Variants in ROBO1 observed in about 807,000 individuals in gnomAD.
ROBO1 encodes the protein roundabout guidance receptor 1, also known as roundabout homolog 1.
A neutral mutation model predicts 195.9 loss-of-function variants in ROBO1; 149 were observed. That is an observed-to-expected ratio of 0.76 (90% confidence interval 0.67 to 0.87). ROBO1 has a LOEUF of 0.87. Among genes scored for constraint, ROBO1 ranks in the 40% least tolerant of loss-of-function variants. The probability of loss-of-function intolerance (pLI) is 0.00; values close to 1 mark genes in which losing one functional copy is unlikely to be tolerated. For missense variants in ROBO1, 1,933 were observed against 2,068.3 expected, an observed-to-expected ratio of 0.93 and a Z score of 1.27; for synonymous variants, 816 against 733.2, an observed-to-expected ratio of 1.11 and a Z score of -1.82.
chr3:79,500,185 C>A (rs897330828), intron 2 of ROBO1, among the ~76,000 whole-genome samples: 6 of 121,618 alleles, frequency 4.9e-5, no homozygotes. Flanking sequence ...GGTTGGAGTG[C>A]AATGGTGCTA....
rs142957594 is a variant in ROBO1 at position 78,896,313 on chromosome 3, C to A, written c.499+42288G>T. ...AGCTAAGCCATCATATCCCCAGTGA[C>A]CTGCACCTATACATCCAGATGGCCT... On this transcript the variant is annotated intron_variant, in intron 4 of 30. Coordinates refer to ENST00000464233, the MANE Select transcript of ROBO1 (RefSeq NM_002941.4). Among the ~76,000 whole-genome samples the A allele has an allele frequency of 5.6e-3, 854 of 152,196 alleles. 5 individuals carry two copies. Among genetic ancestry groups the A allele is most frequent in the Middle Eastern group, 0.041 (12 of 294 alleles).
chr3:79,498,644 A>T (rs921390712), intron 2 of ROBO1, among the ~76,000 whole-genome samples: 1 of 152,132 alleles, frequency 6.6e-6, no homozygotes, highest in African/African-American at 2.4e-5. Flanking sequence ...ACCTGAGGTC[A>T]GAAGTTCAAG....
At chr3:79,280,639 A>T (rs2031431014) in intron 2 of ROBO1, among the ~76,000 whole-genome samples, 1 of 152,140 alleles carries the variant, frequency 6.6e-6, no homozygotes, top group African/African-American at 2.4e-5. Flanking sequence ...AGCGGTCCCC[A>T]ACCTTTTTGG....
intron 4 of ROBO1, among the ~76,000 whole-genome samples, chr3:78,807,156 T>C (rs1411186443): frequency 2.6e-5 from 4 of 152,172 alleles, no homozygotes; most frequent in Admixed American, 2.0e-4. Flanking sequence ...TCTGAGTTGC[T>C]ATCAGAGCAA....
At chr3:79,245,461 C>T (rs2082606584) in intron 2 of ROBO1, among the ~76,000 whole-genome samples, 1 of 152,028 alleles carries the variant, frequency 6.6e-6, no homozygotes, top group African/African-American at 2.4e-5. Context: ...GTATTGGAGA[C>T]TTGCCTCTAT....
intron 2 of ROBO1, among the ~76,000 whole-genome samples, chr3:79,443,837 G>A (rs1485622463): frequency 6.6e-6 from 1 of 151,866 alleles, no homozygotes; most frequent in East Asian, 1.9e-4. Context: ...AGCACACAGG[G>A]TAGACCTATA....
chr3:78,678,691 C>A (rs2107775785), intron 10 of ROBO1, among the ~76,000 whole-genome samples: 1 of 152,218 alleles, frequency 6.6e-6, no homozygotes, highest in Admixed American at 6.5e-5. Flanking sequence ...CAATAGCTTA[C>A]CAACCAAAAA....
chr3:78,912,635 G>C (rs368615408), intron 4 of ROBO1, among the ~76,000 whole-genome samples: 19 of 152,160 alleles, frequency 1.2e-4, no homozygotes, highest in East Asian at 1.2e-3. Context: ...ACAAGCTATA[G>C]TATTTGTGAT....
chr3:79,463,567 T>A (rs2107275889), intron 2 of ROBO1, among the ~76,000 whole-genome samples: 1 of 152,268 alleles, frequency 6.6e-6, no homozygotes, highest in African/African-American at 2.4e-5. Flanking sequence ...TATTTCCACA[T>A]AGATTAGCTT....
intron 2 of ROBO1, among the ~76,000 whole-genome samples, chr3:79,214,823 TA>T (rs1420182168): frequency 1.7e-4 from 23 of 137,052 alleles, no homozygotes; most frequent in African/African-American, 5.4e-4. Flanking sequence ...TATATATATA[TA>T]TATTTTTTTT....
intron 3 of ROBO1, among the ~76,000 whole-genome samples, chr3:78,985,809 A>G (rs192261952): frequency 3.3e-4 from 51 of 152,278 alleles, no homozygotes; most frequent in Admixed American, 6.5e-4. Flanking sequence ...GCAGACAGTA[A>G]CAAGGCTCGA....
intron 2 of ROBO1, among the ~76,000 whole-genome samples, chr3:79,473,525 C>T (rs766748678): frequency 2.0e-5 from 3 of 152,040 alleles, no homozygotes; most frequent in Non-Finnish European, 2.9e-5. Flanking sequence ...AAATAATACC[C>T]GCTGAAATGG....
At chr3:79,415,111 C>T (rs565347453) in intron 2 of ROBO1, among the ~76,000 whole-genome samples, 2 of 152,186 alleles carry the variant, frequency 1.3e-5, no homozygotes, top group African/African-American at 4.8e-5. Flanking sequence ...TCCTGACTCA[C>T]GGAAGTTAAT....
At chr3:79,500,772 A>G (rs1314658933) in intron 2 of ROBO1, among the ~76,000 whole-genome samples, 2 of 152,164 alleles carry the variant, frequency 1.3e-5, no homozygotes, top group African/African-American at 2.4e-5. Flanking sequence ...ACTTTTTCAG[A>G]GAGGCTAAAT....
chr3:78,696,125 G>GA lies in ROBO1; in HGVS notation c.1046-7354dup, dbSNP rs34340807. Among the ~76,000 whole-genome samples, 414 of 108,690 alleles carry GA rather than the reference G, an allele frequency of 3.8e-3. 2 individuals carry two copies. Among genetic ancestry groups the GA allele is most frequent in the Middle Eastern group, 0.022 (4 of 178 alleles). The allele number at this position is 108,690 out of a possible 152,430, so 71.3% of individuals were successfully genotyped here. A position where few individuals can be genotyped will look rare whatever the true frequency, so the allele number is the denominator to read the frequency against. ...CTGTTGGGCATGGCAGAAAGAATCA[G>GA]AAAAAAAAAAAAAAAAAAAGCAGAG... On this transcript the variant is annotated intron_variant, in intron 8 of 30. Transcript: ENST00000464233.
chr3:79,029,178 T>A (rs541218387), intron 3 of ROBO1, among the ~76,000 whole-genome samples: 1 of 152,204 alleles, frequency 6.6e-6, no homozygotes, highest in Non-Finnish European at 1.5e-5. Context: ...TGGCCTAACA[T>A]CATCTATTTC....
At chr3:79,748,406 G>A (rs1054615112) in intron 1 of ROBO1, among the ~76,000 whole-genome samples, 10 of 152,090 alleles carry the variant, frequency 6.6e-5, no homozygotes, top group African/African-American at 2.4e-4. Flanking sequence ...GATTGATTAT[G>A]GGGCATCTGT....
intron 27 of ROBO1, among the ~76,000 whole-genome samples, chr3:78,615,173 G>A (rs923019142): frequency 6.6e-6 from 1 of 152,148 alleles, no homozygotes; most frequent in African/African-American, 2.4e-5. Context: ...GCCAATGTTT[G>A]TTGCTTTTTC....
intron 2 of ROBO1, among the ~76,000 whole-genome samples, chr3:79,152,853 A>G (rs1165055942): frequency 2.6e-5 from 4 of 151,814 alleles, no homozygotes; most frequent in African/African-American, 9.7e-5. Context: ...TGAGAAATGA[A>G]GAAACAGCTA....
Sources: allele counts gnomAD v4.1 joint callset (sites outside exome capture counted in the v4.1 genomes callset), GRCh38; gene constraint gnomAD v4.1.1; transcripts MANE v1.5; gene names NCBI Gene and HGNC (gene_info 2026-07-23, HGNC 2026-07-21).